Variants in RNPEPL1 observed in about 807,000 individuals in gnomAD.
RNPEPL1 encodes arginyl aminopeptidase like 1, also known as aminopeptidase RNPEPL1.
In RNPEPL1, 46 loss-of-function variants were observed where a neutral mutation model predicts 69.0. That is an observed-to-expected ratio of 0.67 (90% CI 0.53 to 0.85). The LOEUF (loss-of-function observed/expected upper bound fraction) is 0.85. Ranked by LOEUF, RNPEPL1 falls within the 40% of genes least tolerant of loss-of-function variation. The pLI is 0.00. For missense variants in RNPEPL1, 869 were observed against 992.5 expected (o/e 0.88, Z 1.67); for synonymous variants, 525 against 454.1 (o/e 1.16, Z -1.98).
intron 6 of RNPEPL1, 166 bp from the exon 7 acceptor site, chr2:240,574,864 C>A: frequency 1.5e-6 from 1 of 681,796 alleles, no homozygotes; most frequent in Non-Finnish European, 2.6e-6. Flanking sequence ...TCAGTCTTCC[C>A]CGAGGCCCTG....
Position 240,574,528 on chromosome 2 carries a change from C to A in RNPEPL1, c.1188C>A (p.Thr396=). Reference sequence around the variant, plus strand: ...GACCCCATCCAGGTGCTGCCTTCACCTGCCTGGAGACTGCCTTCCGCCTGG... The same window carrying A: ...GACCCCATCCAGGTGCTGCCTTCACATGCCTGGAGACTGCCTTCCGCCTGG... ...ITTETYGAAF[T]CLETAFRLDA... is the part of the protein sequence containing the mutation. The change falls in exon 6 of 11, where the codon ACC becomes ACA. Residue 396 remains threonine (T), a synonymous_variant. Coordinates refer to ENST00000270357, the MANE Select transcript of RNPEPL1 (RefSeq NM_018226.6). 2 of 1,611,748 alleles carry A rather than the reference C, an allele frequency of 1.2e-6. No homozygotes were observed. Among genetic ancestry groups the A allele is most frequent in the Non-Finnish European group, 1.7e-6 (2 of 1,179,570 alleles).
chr2:240,568,871 CG>C lies in RNPEPL1; in HGVS notation c.286del (p.Ala96ProfsTer89). On this transcript the variant is annotated frameshift_variant, in exon 1 of 11. Transcript: ENST00000270357. LOFTEE classifies it high-confidence loss of function. The surrounding 1 kb of genome is among the most constrained non-coding windows in gnomAD (Gnocchi z 6.2). ...CAGCCGCCTTCCGTCGCGCCCCCGC[CG>C]CCGCCGCCGAGACGCCCTGCGCCTT... ...HSAAFRRAPA[A>X]AAETPCAFAF... is the part of the protein sequence containing the mutation. 1.6e-6 allele frequency: 2 copies of C among 1,220,370 alleles called. No individual in the cohort carries two copies. The highest frequency in any genetic ancestry group is 7.5e-5 in the Admixed American group (2 of 26,654). 75.6% of individuals were successfully genotyped at this position (1,220,370 alleles called of 1,614,324 possible).
Position 240,578,207 on chromosome 2 carries a change from C to A in RNPEPL1, c.*315C>A, listed in dbSNP as rs2093043495. The A allele has an allele frequency of 1.1e-5, 3 of 275,300 alleles. No individual in the cohort carries two copies. In the Admixed American group the frequency reaches 1.5e-4, roughly 13 times the overall value. The allele number at this position is 275,300 out of a possible 1,614,324, so 17.1% of individuals were successfully genotyped here. A position where few individuals can be genotyped will look rare whatever the true frequency, so the allele number is the denominator to read the frequency against. Reference sequence around the variant, plus strand: ...GATGCCAGCACCTGCCAGGTGCCGCCCCGGGGCAAGGGCCCCAGCAGCCCT... The same window carrying A: ...GATGCCAGCACCTGCCAGGTGCCGCACCGGGGCAAGGGCCCCAGCAGCCCT... On this transcript the variant is annotated 3_prime_UTR_variant, in exon 11 of 11. Transcript: ENST00000270357.
rs1185734584 is a variant in RNPEPL1 at position 240,569,041 on chromosome 2, C to T, written c.455C>T (p.Thr152Met). 5 of 1,511,214 alleles carry T rather than the reference C, an allele frequency of 3.3e-6. No homozygotes were observed. Among genetic ancestry groups the T allele is most frequent in the South Asian group, 2.4e-5 (2 of 82,384 alleles). The allele number at this position is 1,511,214 out of a possible 1,614,324, so 93.6% of individuals were successfully genotyped here. A position where few individuals can be genotyped will look rare whatever the true frequency, so the allele number is the denominator to read the frequency against. ...GACTACGGCTCCTCGCTCACCGTCACGCTGCCGCCCGAGCTGCAGGCGCAC... is the reference window on the plus strand; with the variant it reads ...GACTACGGCTCCTCGCTCACCGTCATGCTGCCGCCCGAGCTGCAGGCGCAC... ...FTDYGSSLTV[T>M]LPPELQAHQP... Residue 152 changes from threonine (T) to methionine (M), a missense_variant, in exon 1 of 11, where the codon ACG (threonine) becomes ATG (methionine). By Grantham distance (81) the Thr-to-Met change is moderately conservative (BLOSUM62 -1). Coordinates refer to ENST00000270357, the MANE Select transcript of RNPEPL1 (RefSeq NM_018226.6).
Position 240,573,762 on chromosome 2 carries a change from C to T in RNPEPL1, c.822-13C>T, listed in dbSNP as rs1179853332. 1.8e-5 allele frequency: 28 copies of T among 1,524,330 alleles called. No homozygotes were observed. The highest frequency in any genetic ancestry group is 2.2e-4 in the Middle Eastern group (1 of 4,650). The allele number at this position is 1,524,330 out of a possible 1,614,324, so 94.4% of individuals were successfully genotyped here. On this transcript the variant is annotated splice_polypyrimidine_tract_variant and intron_variant, in intron 3 of 10. Transcript: ENST00000270357. ...GCTGCTCGGCCTCAGCTCACCCTCT[C>T]TGCATGCACCAGGAGCCGCGTGTGG...
At chr2:240,572,619 C>T (rs752222058) in intron 2 of RNPEPL1, 56 bp downstream of exon 2, 465 of 1,528,862 alleles carry the variant, frequency 3.0e-4, no homozygotes, top group Non-Finnish European at 3.4e-4. Flanking sequence ...GTGGCCTGGC[C>T]ACGCCGCCTC....
At position 240,573,902 on chromosome 2, in the gene RNPEPL1, G is replaced by T; in HGVS notation, c.938+11G>T. The T allele has an allele frequency of 6.3e-7, 1 of 1,575,318 alleles. No individual in the cohort carries two copies. The highest frequency in any genetic ancestry group is 8.6e-7 in the Non-Finnish European group (1 of 1,159,260). On this transcript the variant is annotated intron_variant, in intron 4 of 10. Coordinates refer to ENST00000270357, the MANE Select transcript of RNPEPL1 (RefSeq NM_018226.6). ...CTACATGTGGGGCAGGTAGGCCCCG[G>T]GGACCTGTGGACCTGGCTGGCTGGA...
At chr2:240,569,458 A>C (rs1477396923) in intron 1 of RNPEPL1, among the ~76,000 whole-genome samples, 1 of 152,244 alleles carries the variant, frequency 6.6e-6, no homozygotes, top group African/African-American at 2.4e-5. Context: ...AAGGGCCTCC[A>C]TGTGACCAGT....
intron 1 of RNPEPL1, among the ~76,000 whole-genome samples, chr2:240,569,588 AACATAGAC>A (rs1311950548): frequency 1.3e-5 from 2 of 152,188 alleles, no homozygotes; most frequent in Non-Finnish European, 2.9e-5. Context: ...CCGCGACCCC[AACATAGAC>A]ACACATAGGC....
At chr2:240,577,537 A>G in intron 10 of RNPEPL1, 62 bp from the exon 11 acceptor site, 2 of 1,490,622 alleles carry the variant, frequency 1.3e-6, no homozygotes, top group Non-Finnish European at 1.8e-6. Context: ...CCGGGCTGGC[A>G]GGGTGGGCTG....
At position 240,576,764 on chromosome 2, in the gene RNPEPL1, G is replaced by A. The variant is rs898015891; in HGVS notation, c.1740G>A (p.Gln580=). Residue 580 remains glutamine (Q), a splice_region_variant and synonymous_variant, in exon 9 of 11, where the codon CAG becomes CAA. Coordinates refer to ENST00000270357, the MANE Select transcript of RNPEPL1 (RefSeq NM_018226.6). The part of the protein sequence containing the change: ...DRLLDGSPLP[Q]EVVMSLSKCY... ...TCCTGGATGGGTCCCCGCTGCCGCAGGGTGAGTCCCTGCAGCTGATGGGGG... is the reference window on the plus strand; with the variant it reads ...TCCTGGATGGGTCCCCGCTGCCGCAAGGTGAGTCCCTGCAGCTGATGGGGG... The A allele has an allele frequency of 3.1e-6, 5 of 1,612,724 alleles. No individual in the cohort carries two copies. In the African/African-American group the frequency reaches 6.7e-5, roughly 22 times the overall value.
chr2:240,574,017 T>C, intron 4 of RNPEPL1, 96 bp from the exon 5 acceptor site: 2 of 1,398,996 alleles, frequency 1.4e-6, no homozygotes, highest in Non-Finnish European at 2.0e-6. Context: ...CCGCAGGGGC[T>C]GGGCTGATCC....
At chr2:240,575,358 A>G (rs2093034606) in intron 7 of RNPEPL1, 144 bp from the exon 8 acceptor site, 1 of 803,588 alleles carries the variant, frequency 1.2e-6, no homozygotes, top group East Asian at 2.5e-5. Context: ...CTGCGTGCCA[A>G]GTGCTGGCTC....
chr2:240,568,958 G>A lies in RNPEPL1; in HGVS notation c.372G>A (p.Glu124=), dbSNP rs2093013036. The part of the protein sequence containing the change: ...APPPPLPAFP[E]APGSEPACCP... Reference sequence around the variant, plus strand: ...CGCCCCCGCTGCCCGCCTTCCCCGAGGCGCCCGGCTCCGAGCCCGCCTGCT... The same window carrying A: ...CGCCCCCGCTGCCCGCCTTCCCCGAAGCGCCCGGCTCCGAGCCCGCCTGCT... Residue 124 remains glutamate (E), a synonymous_variant, in exon 1 of 11, where the codon GAG becomes GAA. Transcript: ENST00000270357. This position sits in a 1 kb window ranked among gnomAD's most constrained non-coding sequence, Gnocchi z 6.2. 1 of 1,410,140 alleles carries A rather than the reference G, an allele frequency of 7.1e-7. No individual in the cohort carries two copies. Among genetic ancestry groups the A allele is most frequent in the Non-Finnish European group, 9.3e-7 (1 of 1,080,052 alleles). 87.4% of individuals were successfully genotyped at this position (1,410,140 alleles called of 1,614,324 possible).
At chr2:240,572,624 C>T (rs549534563) in intron 2 of RNPEPL1, 61 bp downstream of exon 2, 86 of 1,526,708 alleles carry the variant, frequency 5.6e-5, no homozygotes, top group African/African-American at 1.9e-4. Flanking sequence ...CTGGCCACGC[C>T]GCCTCCCCCT....
rs2093048504 is a variant in RNPEPL1 at position 240,579,984 on chromosome 2, TG to T, written c.*2095del. Reference sequence around the variant, plus strand: ...CGCACCTGTGCCTGACACCTGGCTTTGGGAAACTCAGCAGCAGTGCCCAGCG... The same window carrying T: ...CGCACCTGTGCCTGACACCTGGCTTTGGAAACTCAGCAGCAGTGCCCAGCG... On this transcript the variant is annotated 3_prime_UTR_variant, in exon 11 of 11. Coordinates refer to ENST00000270357, the MANE Select transcript of RNPEPL1 (RefSeq NM_018226.6). The T allele has an allele frequency of 6.6e-6, 1 of 152,270 alleles. No individual in the cohort carries two copies. Among genetic ancestry groups the T allele is most frequent in the African/African-American group, 2.4e-5 (1 of 41,454 alleles). 9.4% of individuals were successfully genotyped at this position (152,270 alleles called of 1,614,324 possible). A position where few individuals can be genotyped will look rare whatever the true frequency, so the allele number is the denominator to read the frequency against.
At chr2:240,574,933 G>A in intron 6 of RNPEPL1, 97 bp from the exon 7 acceptor site, 2 of 925,984 alleles carry the variant, frequency 2.2e-6, no homozygotes, top group Non-Finnish European at 3.6e-6. Context: ...GTGGCGCTTG[G>A]CCCTTGCTGC....
Position 240,573,268 on chromosome 2 carries a change from C to A in RNPEPL1, c.821+7C>A. On this transcript the variant is annotated splice_region_variant and intron_variant, in intron 3 of 10. Coordinates refer to ENST00000270357, the MANE Select transcript of RNPEPL1 (RefSeq NM_018226.6). ...CGGCAGACATCGGGCCCAGGTAGGG[C>A]CTCCTGCTGGGGCCTTCTGGGGCTG... 1.9e-6 allele frequency: 3 copies of A among 1,554,908 alleles called. No homozygotes were observed. The highest frequency in any genetic ancestry group is 2.6e-6 in the Non-Finnish European group (3 of 1,149,662).
chr2:240,577,727 G>A lies in RNPEPL1; in HGVS notation c.2013G>A (p.Gln671=), dbSNP rs775700211. The A allele has an allele frequency of 1.2e-6, 2 of 1,612,680 alleles. No individual in the cohort carries two copies. The highest frequency in any genetic ancestry group is 2.2e-5 in the South Asian group (2 of 91,030). The change falls in exon 11 of 11, where the codon CAG becomes CAA. Residue 671 remains glutamine, a synonymous_variant. Transcript: ENST00000270357. Reference sequence around the variant, plus strand: ...CCAACCTGCGCAGAGCCATCCAGCAGATCCTGTCCCAGGGCCTGGGCTCCA... The same window carrying A: ...CCAACCTGCGCAGAGCCATCCAGCAAATCCTGTCCCAGGGCCTGGGCTCCA... ...LHPNLRRAIQ[Q]ILSQGLGSST...
Sources: allele counts gnomAD v4.1 joint callset (sites outside exome capture counted in the v4.1 genomes callset), GRCh38; gene constraint gnomAD v4.1.1; non-coding constraint Gnocchi (gnomAD v3.1); transcripts MANE v1.5; gene names NCBI Gene and HGNC (gene_info 2026-07-23, HGNC 2026-07-21).